The following CHD9 variants were observed in gnomAD, a reference collection of about 807,000 sequenced individuals.
The protein encoded by CHD9 is ATP-dependent chromatin remodeler CHD9.
Under a neutral mutation model 316.1 loss-of-function variants are expected in CHD9, and 77 were observed. The observed-to-expected ratio is 0.24, with a 90% CI of 0.20 to 0.29. CHD9 has a LOEUF of 0.29. CHD9 is among the 10% of genes least tolerant of loss of function. The probability of loss-of-function intolerance (pLI) is 1.00; values close to 1 mark genes in which losing one functional copy is unlikely to be tolerated. For missense variants in CHD9, 2,763 were observed against 3,438.1 expected (o/e 0.80, Z 4.91); for synonymous variants, 1,129 against 1,158.3 (o/e 0.97, Z 0.51).
chr16:53,189,127 G>T, intron 2 of CHD9, among the ~76,000 whole-genome samples: 1 of 151,140 alleles, frequency 6.6e-6, no homozygotes, highest in Non-Finnish European at 1.5e-5. Context: ...TTTATTTCTT[G>T]CTTTCCAATC....
intron 1 of CHD9, among the ~76,000 whole-genome samples, chr16:53,134,140 G>C (rs2039543653): frequency 6.6e-6 from 1 of 152,134 alleles, no homozygotes; most frequent in South Asian, 2.1e-4. Context: ...ATTTCATCGG[G>C]TAATGAGTGA....
At chr16:53,069,038 T>TCTA (rs1235607496) in intron 1 of CHD9, among the ~76,000 whole-genome samples, 1 of 152,028 alleles carries the variant, frequency 6.6e-6, no homozygotes, top group East Asian at 1.9e-4. Flanking sequence ...AGGGTCTTGC[T>TCTA]CTACTGCCCA....
In CHD9 at chr16:53,324,809, G is replaced by A. The variant is rs1015683021; in HGVS notation, c.8608G>A (p.Glu2870Lys). The change falls in exon 39 of 39, where the codon GAG becomes AAG. Residue 2870 changes from glutamate (E) to lysine (K), a missense_variant. Coordinates refer to ENST00000447540, the MANE Select transcript of CHD9 (RefSeq NM_001308319.2). ...PSPLNENSTD[E>K]GSEKADASSG... is the part of the protein sequence containing the mutation. ...TCCTCTCAATGAAAACAGCACAGATGAGGGTTCAGAGAAAGCTGATGCTTC... is the reference window on the plus strand; with the variant it reads ...TCCTCTCAATGAAAACAGCACAGATAAGGGTTCAGAGAAAGCTGATGCTTC... 1.2e-6 allele frequency: 2 copies of A among 1,612,782 alleles called. No homozygotes were observed.
At chr16:53,120,536 C>A (rs888413793) in intron 1 of CHD9, among the ~76,000 whole-genome samples, 1 of 151,202 alleles carries the variant, frequency 6.6e-6, no homozygotes, top group Non-Finnish European at 1.5e-5. Flanking sequence ...TCGCTTGAAA[C>A]CGGGAGGCGG....
intron 1 of CHD9, among the ~76,000 whole-genome samples, chr16:53,118,688 G>T (rs2038501642): frequency 6.6e-6 from 1 of 151,618 alleles, no homozygotes; most frequent in Non-Finnish European, 1.5e-5. Flanking sequence ...CAGCCAAAAT[G>T]TCCAAGAATT....
At position 53,255,790 on chromosome 16, in the gene CHD9, G is replaced by C. The variant is rs768605950; in HGVS notation, c.4209+11G>C. 2.5e-6 allele frequency: 4 copies of C among 1,611,508 alleles called. No homozygotes were observed. In the African/African-American group the frequency reaches 4.0e-5, roughly 16 times the overall value. Reference sequence around the variant, plus strand: ...TCAACATTTGCCAAGGTAATAGTGGGTGCAATTTTATTAACATAGCAGTGA... The same window carrying C: ...TCAACATTTGCCAAGGTAATAGTGGCTGCAATTTTATTAACATAGCAGTGA... On this transcript the variant is annotated intron_variant, in intron 19 of 38. Coordinates refer to ENST00000447540, the MANE Select transcript of CHD9 (RefSeq NM_001308319.2).
intron 1 of CHD9, among the ~76,000 whole-genome samples, chr16:53,144,011 C>A (rs1169150403): frequency 1.3e-5 from 2 of 151,994 alleles, no homozygotes; most frequent in Non-Finnish European, 2.9e-5. Context: ...TATAGATGAG[C>A]TCCTGAAGTG....
chr16:53,269,784 C>T, intron 22 of CHD9, among the ~76,000 whole-genome samples: 1 of 152,108 alleles, frequency 6.6e-6, no homozygotes, highest in Non-Finnish European at 1.5e-5. Context: ...CCAAAGATGA[C>T]TTTCTGCCCC....
intron 3 of CHD9, among the ~76,000 whole-genome samples, chr16:53,218,816 T>C (rs2046988475): frequency 6.6e-6 from 1 of 152,212 alleles, no homozygotes; most frequent in African/African-American, 2.4e-5. Flanking sequence ...AACTACACTC[T>C]CCGTGTGTTG....
intron 1 of CHD9, among the ~76,000 whole-genome samples, chr16:53,096,990 G>A (rs1359665540): frequency 1.3e-5 from 2 of 151,906 alleles, no homozygotes; most frequent in Admixed American, 1.3e-4. Flanking sequence ...CCATTCATTA[G>A]GGCAGAGCCC....
At chr16:53,274,740 C>T (rs1366067435) in intron 24 of CHD9, among the ~76,000 whole-genome samples, 1 of 152,110 alleles carries the variant, frequency 6.6e-6, no homozygotes, top group African/African-American at 2.4e-5. Flanking sequence ...GGATTACAGG[C>T]ATGAGCCACC....
At chr16:53,172,637 T>C (rs1019954072) in intron 2 of CHD9, among the ~76,000 whole-genome samples, 9 of 152,186 alleles carry the variant, frequency 5.9e-5, no homozygotes, top group African/African-American at 2.2e-4. Flanking sequence ...CCTCTAACAG[T>C]GTCTAAGAGT....
intron 2 of CHD9, among the ~76,000 whole-genome samples, chr16:53,181,577 A>G (rs2043523973): frequency 6.6e-6 from 1 of 152,194 alleles, no homozygotes; most frequent in Non-Finnish European, 1.5e-5. Context: ...TGTGTAAACT[A>G]AATTTTTTTT....
At chr16:53,163,681 G>A (rs1277705778) in intron 2 of CHD9, among the ~76,000 whole-genome samples, 1 of 152,154 alleles carries the variant, frequency 6.6e-6, no homozygotes, top group African/African-American at 2.4e-5. Context: ...AGCAACCATT[G>A]TAATGTTGCT....
intron 1 of CHD9, among the ~76,000 whole-genome samples, chr16:53,118,359 G>A (rs991775621): frequency 6.6e-6 from 1 of 152,020 alleles, no homozygotes; most frequent in East Asian, 1.9e-4. Flanking sequence ...GGAGGTTGCA[G>A]TGAGCCGAGA....
intron 1 of CHD9, among the ~76,000 whole-genome samples, chr16:53,137,163 G>A (rs541998307): frequency 1.3e-5 from 2 of 151,908 alleles, no homozygotes; most frequent in Admixed American, 6.6e-5. Context: ...TAGTAGAGAC[G>A]GGGTTTCACC....
chr16:53,107,830 CAG>C (rs1449755853), intron 1 of CHD9, among the ~76,000 whole-genome samples: 2 of 152,114 alleles, frequency 1.3e-5, no homozygotes, highest in East Asian at 1.9e-4. Context: ...AATGAACAAA[CAG>C]AAATTCTTAT....
chr16:53,188,850 G>T (rs1471222556), intron 2 of CHD9, among the ~76,000 whole-genome samples: 1 of 151,852 alleles, frequency 6.6e-6, no homozygotes, highest in African/African-American at 2.4e-5. Context: ...CTCCCAAGGT[G>T]CTGGGATTAC....
intron 1 of CHD9, among the ~76,000 whole-genome samples, chr16:53,084,249 G>A (rs571988629): frequency 1.3e-5 from 2 of 152,298 alleles, no homozygotes; most frequent in East Asian, 3.9e-4. Context: ...GTGAAGGAAA[G>A]GAAGGTGTCA....
Sources: allele counts gnomAD v4.1 joint callset (sites outside exome capture counted in the v4.1 genomes callset), GRCh38; gene constraint gnomAD v4.1.1; transcripts MANE v1.5; gene names NCBI Gene and HGNC (gene_info 2026-07-23, HGNC 2026-07-21).